The following CCDC7 variants were observed in gnomAD, a reference collection of about 807,000 sequenced individuals.
CCDC7 encodes the protein coiled-coil domain-containing protein 7.
Under a neutral mutation model 196.9 loss-of-function variants are expected in CCDC7, and 183 were observed. The ratio of observed to expected loss-of-function variants is 0.93; its 90% CI spans 0.82 to 1.05. The LOEUF is 1.05. CCDC7 is among the 50% of genes least tolerant of loss of function. The probability of loss-of-function intolerance (pLI) is 0.00; values close to 1 mark genes in which losing one functional copy is unlikely to be tolerated. For missense variants in CCDC7, 1,540 were observed against 1,482.2 expected, an observed-to-expected ratio of 1.04 and a Z score of -0.64; for synonymous variants, 525 against 484.6, an observed-to-expected ratio of 1.08 and a Z score of -1.10.
chr10:32,531,341 C>T (rs1287516882), intron 11 of CCDC7, among the ~76,000 whole-genome samples: 2 of 152,088 alleles, frequency 1.3e-5, no homozygotes, highest in South Asian at 2.1e-4. Flanking sequence ...TCAGGCTTGT[C>T]TTGAACTCCT....
intron 18 of CCDC7, among the ~76,000 whole-genome samples, chr10:32,631,641 A>G (rs752983398): frequency 5.4e-5 from 8 of 148,858 alleles, no homozygotes; most frequent in Non-Finnish European, 8.9e-5. Context: ...AAATTTACAT[A>G]TAAGTTTTAG....
chr10:32,591,178 A>G (rs2137834819), intron 18 of CCDC7, among the ~76,000 whole-genome samples: 1 of 152,046 alleles, frequency 6.6e-6, no homozygotes, highest in South Asian at 2.1e-4. Context: ...GCAGCTAATA[A>G]CACTTAAATT....
intron 25 of CCDC7, among the ~76,000 whole-genome samples, chr10:32,715,125 A>G (rs1490853728): frequency 6.6e-6 from 1 of 152,192 alleles, no homozygotes; most frequent in Non-Finnish European, 1.5e-5. Flanking sequence ...AGCAGGGGTC[A>G]ACAGACACCT....
intron 23 of CCDC7, among the ~76,000 whole-genome samples, chr10:32,694,219 G>A (rs1195353287): frequency 6.6e-6 from 1 of 152,068 alleles, no homozygotes; most frequent in Admixed American, 6.6e-5. Flanking sequence ...ACCACAAATT[G>A]GGTAAATAAT....
At position 32,729,129 on chromosome 10, in the gene CCDC7, C is replaced by T. The variant is rs112121822; in HGVS notation, c.2779+132C>T. 1.4e-5 allele frequency: 11 copies of T among 810,474 alleles called. No individual in the cohort carries two copies. In the African/African-American group the frequency reaches 1.6e-4, roughly 12 times the overall value. The allele number at this position is 810,474 out of a possible 1,614,324, so 50.2% of individuals were successfully genotyped here. ...TAACTTTGACCTAAAGTGTGAATAC[C>T]CTATGATAACTAGAGAACAAAAGTA... On this transcript the variant is annotated intron_variant, in intron 27 of 41. Coordinates refer to ENST00000639629, the Ensembl canonical transcript of CCDC7.
At chr10:32,757,471 T>A (rs757683843) in intron 28 of CCDC7, among the ~76,000 whole-genome samples, 1 of 152,200 alleles carries the variant, frequency 6.6e-6, no homozygotes, top group Non-Finnish European at 1.5e-5. Flanking sequence ...CCCAGCTACA[T>A]GGAGGCTAAA....
intron 11 of CCDC7, among the ~76,000 whole-genome samples, chr10:32,538,877 C>A (rs1411895241): frequency 6.6e-6 from 1 of 152,100 alleles, no homozygotes; most frequent in Non-Finnish European, 1.5e-5. Context: ...CTTCTGGAAG[C>A]AGTTTGCTAG....
intron 29 of CCDC7, among the ~76,000 whole-genome samples, chr10:32,801,883 A>G (rs2084869008): frequency 6.6e-6 from 1 of 152,196 alleles, no homozygotes; most frequent in South Asian, 2.1e-4. Flanking sequence ...TCCTCCGCCC[A>G]AAAAGTCTCA....
rs556951903 is a variant in CCDC7 at position 32,603,077 on chromosome 10, C to T, written c.1801+18773C>T. 2.8e-4 allele frequency among the ~76,000 whole-genome samples: 42 copies of T among 152,172 alleles called. No homozygotes were observed. The South Asian group carries it at 5.6e-3, about 20-fold the overall frequency. On this transcript the variant is annotated intron_variant, in intron 18 of 41. Transcript: ENST00000639629. ...CCTTTTACCTAATTGTGTGTTTTAACGCATTAGCTAATGTCGCTTCATTCT... is the reference window on the plus strand; with the variant it reads ...CCTTTTACCTAATTGTGTGTTTTAATGCATTAGCTAATGTCGCTTCATTCT...
At chr10:32,763,093 A>C (rs1156924835) in intron 28 of CCDC7, among the ~76,000 whole-genome samples, 1 of 151,986 alleles carries the variant, frequency 6.6e-6, no homozygotes, top group Non-Finnish European at 1.5e-5. Context: ...CAGAGAAAAC[A>C]TTCGTGAATC....
chr10:32,789,559 TA>T (rs760444597), intron 29 of CCDC7, among the ~76,000 whole-genome samples: 8,211 of 131,574 alleles, frequency 0.062, 709 homozygotes, highest in African/African-American at 0.2. Flanking sequence ...AATAAAAAAG[TA>T]AAAAAAAAAA....
intron 25 of CCDC7, among the ~76,000 whole-genome samples, chr10:32,724,389 T>A (rs536527398): frequency 6.6e-6 from 1 of 152,112 alleles, no homozygotes; most frequent in Non-Finnish European, 1.5e-5. Context: ...CTGCCAGTTG[T>A]TGAGTTGGTC....
chr10:32,704,911 C>CA (rs1284022974), intron 24 of CCDC7, among the ~76,000 whole-genome samples: 1 of 152,168 alleles, frequency 6.6e-6, no homozygotes, highest in Non-Finnish European at 1.5e-5. Flanking sequence ...TGCCATCTGT[C>CA]ACACCTTTCC....
chr10:32,821,676 C>A (rs2090230297), intron 31 of CCDC7, among the ~76,000 whole-genome samples: 1 of 152,078 alleles, frequency 6.6e-6, no homozygotes, highest in Non-Finnish European at 1.5e-5. Flanking sequence ...ATGGATGAAG[C>A]TGGAAATCAT....
chr10:32,732,335 C>T (rs1323171902), intron 28 of CCDC7, among the ~76,000 whole-genome samples: 2 of 152,036 alleles, frequency 1.3e-5, no homozygotes, highest in Admixed American at 6.6e-5. Context: ...TTAAAGTTCT[C>T]TCCTTAGTTT....
chr10:32,652,259 G>T (rs907216859), intron 20 of CCDC7, among the ~76,000 whole-genome samples: 4 of 151,698 alleles, frequency 2.6e-5, no homozygotes, highest in African/African-American at 9.7e-5. Flanking sequence ...TTTCCCTTTG[G>T]TTGGAAGATC....
chr10:32,548,509 T>TA (rs1294307187), intron 13 of CCDC7, among the ~76,000 whole-genome samples: 1 of 152,148 alleles, frequency 6.6e-6, no homozygotes, highest in Non-Finnish European at 1.5e-5. Context: ...ATGAAGAAGT[T>TA]AAACTTTAAA....
intron 2 of CCDC7, 96 bp downstream of exon 3, chr10:32,453,532 C>A: frequency 1.3e-6 from 1 of 769,300 alleles, no homozygotes; most frequent in Non-Finnish European, 1.8e-6. Flanking sequence ...TTTTGGAGTA[C>A]TTATTATATC....
intron 41 of CCDC7, among the ~76,000 whole-genome samples, chr10:32,863,138 T>C (rs1376532311): frequency 1.3e-5 from 2 of 151,986 alleles, no homozygotes; most frequent in East Asian, 3.9e-4. Flanking sequence ...TTCACATAAA[T>C]AGAAAACAAT....
Sources: allele counts gnomAD v4.1 joint callset (sites outside exome capture counted in the v4.1 genomes callset), GRCh38; gene constraint gnomAD v4.1.1; transcripts MANE v1.5; gene names NCBI Gene and HGNC (gene_info 2026-07-23, HGNC 2026-07-21).